ELOA: variants seen among roughly 807,000 people sequenced by gnomAD.
ELOA encodes the protein elongin-A.
A neutral mutation model predicts 85.2 loss-of-function variants in ELOA; 15 were observed. The ratio of observed to expected loss-of-function variants is 0.18; its 90% CI spans 0.12 to 0.27. The LOEUF (loss-of-function observed/expected upper bound fraction) is 0.27. ELOA is among the 10% of genes least tolerant of loss of function. The pLI is 1.00. For missense variants in ELOA, 769 were observed against 952.7 expected (o/e 0.81, Z 2.54); for synonymous variants, 348 against 357.2 (o/e 0.97, Z 0.29).
Position 23,751,447 on chromosome 1 carries a change from G to A in ELOA, c.842G>A (p.Arg281Gln), listed in dbSNP as rs769760843. 6.4e-5 allele frequency: 104 copies of A among 1,613,958 alleles called. No individual in the cohort carries two copies. The highest frequency in any genetic ancestry group is 8.4e-5 in the Non-Finnish European group (99 of 1,180,034). Residue 281 changes from arginine to glutamine, a missense_variant, in exon 4 of 11, where the codon CGA becomes CAA. Coordinates refer to ENST00000613537, the MANE Select transcript of ELOA (RefSeq NM_003198.3). ...SHKALSKEEN[R>Q]RPPSGDNARE... ...AAGGCCCTCTCCAAAGAGGAGAACC[G>A]AAGGCCACCCTCAGGGGACAATGCA...
At chr1:23,744,579 AGTAGCT>A (rs1234758646) in intron 1 of ELOA, among the ~76,000 whole-genome samples, 1 of 151,180 alleles carries the variant, frequency 6.6e-6, no homozygotes, top group Admixed American at 6.6e-5. Flanking sequence ...CAGCCTCCCG[AGTAGCT>A]GGTATTGTAG....
At chr1:23,745,137 A>G (rs985511576) in intron 1 of ELOA, among the ~76,000 whole-genome samples, 1 of 152,214 alleles carries the variant, frequency 6.6e-6, no homozygotes. Context: ...AAAACTTAAA[A>G]TGCTTTCATT....
Position 23,760,600 on chromosome 1 carries a change from A to G in ELOA, c.*1027A>G, listed in dbSNP as rs1394836524. The G allele has an allele frequency of 6.6e-6, 1 of 152,180 alleles. No individual in the cohort carries two copies. Among genetic ancestry groups the G allele is most frequent in the Non-Finnish European group, 1.5e-5 (1 of 68,038 alleles). 9.4% of individuals were successfully genotyped at this position (152,180 alleles called of 1,614,324 possible). ...GAATGGTTTTAAAGGCTGTAATGCT[A>G]TGTTGGAAATTGGTTTGTTTTGCCT... is the stretch of plus-strand genomic sequence containing the variant. On this transcript the variant is annotated 3_prime_UTR_variant, in exon 11 of 11. Coordinates refer to ENST00000613537, the MANE Select transcript of ELOA (RefSeq NM_003198.3).
Position 23,751,719 on chromosome 1 carries a change from C to A in ELOA, c.1114C>A (p.Pro372Thr). 6.2e-7 allele frequency: 1 copy of A among 1,614,098 alleles called. No homozygotes were observed. The highest frequency in any genetic ancestry group is 1.1e-5 in the South Asian group (1 of 91,068). Residue 372 changes from proline (P) to threonine (T), a missense_variant, in exon 4 of 11, where the codon CCA (proline) becomes ACA (threonine). Coordinates refer to ENST00000613537, the MANE Select transcript of ELOA (RefSeq NM_003198.3). Reference sequence around the variant, plus strand: ...GAAGGGTTCTAACAACCTAAAGACTCCAGAAGGGAAAGTCAAAACTAATTT... The same window carrying A: ...GAAGGGTTCTAACAACCTAAAGACTACAGAAGGGAAAGTCAAAACTAATTT... ...KEKGSNNLKT[P>T]EGKVKTNLDR...
rs774622404 is a variant in ELOA at position 23,751,110 on chromosome 1, C to G, written c.505C>G (p.Pro169Ala). The G allele has an allele frequency of 1.2e-6, 2 of 1,613,904 alleles. No individual in the cohort carries two copies. Among genetic ancestry groups the G allele is most frequent in the African/African-American group, 2.7e-5 (2 of 74,896 alleles). ...AATGTCACCAACTTACTCTTCAGAC[C>G]CTGAGTCTTCTGATTATGGCCATGT... ...HRMSPTYSSD[P>A]ESSDYGHVQS... The change falls in exon 4 of 11, where the codon CCT becomes GCT. Residue 169 changes from proline (P) to alanine (A), a missense_variant. Coordinates refer to ENST00000613537, the MANE Select transcript of ELOA (RefSeq NM_003198.3).
Position 23,755,906 on chromosome 1 carries a change from A to C in ELOA, c.1855A>C (p.Arg619=), listed in dbSNP as rs1346761487. 1.2e-6 allele frequency: 2 copies of C among 1,613,792 alleles called. No homozygotes were observed. Among genetic ancestry groups the C allele is most frequent in the East Asian group, 4.5e-5 (2 of 44,870 alleles). The change falls in exon 8 of 11, where the codon AGA becomes CGA. Residue 619 remains arginine (R), a synonymous_variant. Coordinates refer to ENST00000613537, the MANE Select transcript of ELOA (RefSeq NM_003198.3). ...TTGTCACCGAGACTTTAAGGAAGAA[A>C]GACCCGAAGAGTATGAGTCGTGGCG... The part of the protein sequence containing the change: ...VHCHRDFKEE[R]PEEYESWREM...
Position 23,751,973 on chromosome 1 carries a change from G to A in ELOA, c.1368G>A (p.Lys456=). ...KNLDSVQKLP[K]VNKTKSEKPA... ...TGGACTCAGTTCAGAAATTACCCAAGGTGAACAAAACCAAGTCAGAGAAGC... is the reference window on the plus strand; with the variant it reads ...TGGACTCAGTTCAGAAATTACCCAAAGTGAACAAAACCAAGTCAGAGAAGC... Residue 456 remains lysine, a synonymous_variant, in exon 4 of 11, where the codon AAG becomes AAA. Coordinates refer to ENST00000613537, the MANE Select transcript of ELOA (RefSeq NM_003198.3). The A allele has an allele frequency of 6.2e-7, 1 of 1,609,816 alleles. No individual in the cohort carries two copies. The highest frequency in any genetic ancestry group is 8.5e-7 in the Non-Finnish European group (1 of 1,179,074).
intron 2 of ELOA, 38 bp downstream of exon 2, chr1:23,749,115 T>C (rs781733803): frequency 1.3e-6 from 2 of 1,528,956 alleles, no homozygotes; most frequent in Non-Finnish European, 1.8e-6. Context: ...TATAATGATA[T>C]CCCATTCCCT....
chr1:23,756,470 G>T, intron 9 of ELOA, 85 bp downstream of exon 9: 1 of 1,234,800 alleles, frequency 8.1e-7, no homozygotes, highest in South Asian at 1.3e-5. Flanking sequence ...TGCTTTTGGT[G>T]AAAGTGAGGC....
In ELOA at chr1:23,761,732, G is replaced by C. The variant is rs988001317; in HGVS notation, c.*2159G>C. The C allele has an allele frequency of 2.3e-4, 35 of 151,812 alleles. No homozygotes were observed. The allele number at this position is 151,812 out of a possible 1,614,324, so 9.4% of individuals were successfully genotyped here. On this transcript the variant is annotated 3_prime_UTR_variant, in exon 11 of 11. Coordinates refer to ENST00000613537, the MANE Select transcript of ELOA (RefSeq NM_003198.3). Reference sequence around the variant, plus strand: ...GCAGACACAGGATGAATTTGAACCTGACACAGGATGAATTTGAACCTTTGG... The same window carrying C: ...GCAGACACAGGATGAATTTGAACCTCACACAGGATGAATTTGAACCTTTGG...
chr1:23,749,192 A>T, intron 2 of ELOA, 115 bp downstream of exon 2: 1 of 854,176 alleles, frequency 1.2e-6, no homozygotes, highest in Admixed American at 2.1e-5. Flanking sequence ...AACCAGACAC[A>T]AAAGGCCATA....
At chr1:23,745,117 C>G (rs1233946817) in intron 1 of ELOA, among the ~76,000 whole-genome samples, 1 of 152,202 alleles carries the variant, frequency 6.6e-6, no homozygotes, top group African/African-American at 2.4e-5. Context: ...ATTTTAGTTA[C>G]AAATCTGGGA....
intron 7 of ELOA, among the ~76,000 whole-genome samples, chr1:23,754,875 G>T (rs1332676882): frequency 6.6e-6 from 1 of 151,828 alleles, no homozygotes. Context: ...TAGGATGTAG[G>T]GTATACACAT....
rs745577247 is a variant in ELOA at position 23,752,370 on chromosome 1, C to T, written c.1426-37C>T. The T allele has an allele frequency of 2.2e-5, 35 of 1,574,494 alleles. No homozygotes were observed. In the Admixed American group the frequency reaches 2.5e-4, roughly 11 times the overall value. On this transcript the variant is annotated intron_variant, in intron 4 of 10. Coordinates refer to ENST00000613537, the MANE Select transcript of ELOA (RefSeq NM_003198.3). ...TGTAGGAAAGAGAGCTGTGCTTCTACTCACTGACTCTCCACCCATGGGTCT... is the reference window on the plus strand; with the variant it reads ...TGTAGGAAAGAGAGCTGTGCTTCTATTCACTGACTCTCCACCCATGGGTCT...
intron 10 of ELOA, among the ~76,000 whole-genome samples, chr1:23,758,655 T>C (rs1440373041): frequency 6.6e-6 from 1 of 150,528 alleles, no homozygotes; most frequent in East Asian, 1.9e-4. Flanking sequence ...CTATCCCCAG[T>C]ATCCTAAGGG....
chr1:23,751,283 A>G lies in ELOA; in HGVS notation c.678A>G (p.Gln226=). Residue 226 remains glutamine, a synonymous_variant, in exon 4 of 11, where the codon CAA becomes CAG. Transcript: ENST00000613537. ...NAFQDRLGAS[Q]ERHLGEPHGK... ...TTCAGGACAGACTCGGGGCCAGCCA[A>G]GAACGACACCTGGGTGAACCCCATG... 1.2e-6 allele frequency: 2 copies of G among 1,614,258 alleles called. No homozygotes were observed. The highest frequency in any genetic ancestry group is 1.7e-6 in the Non-Finnish European group (2 of 1,180,050).
At chr1:23,756,854 A>C (rs1644796408) in intron 9 of ELOA, 99 bp from the exon 10 acceptor site, 10 of 1,270,886 alleles carry the variant, frequency 7.9e-6, no homozygotes, top group Non-Finnish European at 1.0e-5. Context: ...CAAAGCCACA[A>C]ACAGGGTGAG....
intron 9 of ELOA, 95 bp downstream of exon 9, chr1:23,756,480 C>A: frequency 1.8e-6 from 2 of 1,088,132 alleles, no homozygotes; most frequent in Non-Finnish European, 2.7e-6. Context: ...GAAAGTGAGG[C>A]AGTGCAGACT....
rs750641566 is a variant in ELOA at position 23,750,833 on chromosome 1, C to G, written c.240-12C>G. 6.5e-6 allele frequency: 10 copies of G among 1,546,968 alleles called. No homozygotes were observed. The highest frequency in any genetic ancestry group is 1.8e-4 in the Middle Eastern group (1 of 5,714). On this transcript the variant is annotated splice_polypyrimidine_tract_variant and intron_variant, in intron 3 of 10. Coordinates refer to ENST00000613537, the MANE Select transcript of ELOA (RefSeq NM_003198.3). ...TTTAGACCTACTTTGTCTGCTTTTTCTTTTATTTTAGAAATGCTGAGCCTG... is the reference window on the plus strand; with the variant it reads ...TTTAGACCTACTTTGTCTGCTTTTTGTTTTATTTTAGAAATGCTGAGCCTG...
Sources: gnomAD v4.1 joint callset for allele counts (sites outside exome capture counted in the v4.1 genomes callset) on GRCh38, gnomAD v4.1.1 for gene constraint, MANE v1.5 for transcripts, NCBI Gene and HGNC (gene_info 2026-07-23, HGNC 2026-07-21) for gene names.